The following LRBA variants were observed in gnomAD, a reference collection of about 807,000 sequenced individuals.
LRBA encodes the protein lipopolysaccharide-responsive and beige-like anchor protein.
Under a neutral mutation model 330.0 loss-of-function variants are expected in LRBA, and 176 were observed. The observed-to-expected ratio is 0.53, with a 90% CI of 0.47 to 0.60. LRBA has a LOEUF of 0.60. Among genes scored for constraint, LRBA ranks in the 20% least tolerant of loss-of-function variants. The pLI, the probability that LRBA is intolerant of heterozygous loss-of-function variation, is 0.00. For missense variants in LRBA, 3,259 were observed against 3,444.8 expected, an observed-to-expected ratio of 0.95 and a Z score of 1.35; for synonymous variants, 1,230 against 1,193.0, an observed-to-expected ratio of 1.03 and a Z score of -0.64.
At chr4:150,746,507 C>CTTTTT (rs923454215) in intron 35 of LRBA, among the ~76,000 whole-genome samples, 4 of 136,490 alleles carry the variant, frequency 2.9e-5, no homozygotes, top group African/African-American at 5.5e-5. Flanking sequence ...GTTTCTCTTA[C>CTTTTT]TTTTTTTTTT....
intron 39 of LRBA, among the ~76,000 whole-genome samples, chr4:150,589,405 T>C (rs561638072): frequency 2.0e-5 from 3 of 152,244 alleles, no homozygotes; most frequent in African/African-American, 7.2e-5. Flanking sequence ...TACAAATACA[T>C]TGTGTTTGCA....
intron 49 of LRBA, among the ~76,000 whole-genome samples, chr4:150,324,958 A>T (rs1221561046): frequency 1.3e-5 from 2 of 152,034 alleles, no homozygotes; most frequent in African/African-American, 4.8e-5. Flanking sequence ...AGGAACTATA[A>T]AGGTAAAATG....
chr4:150,465,469 C>T (rs1755326941), intron 44 of LRBA, among the ~76,000 whole-genome samples: 3 of 152,064 alleles, frequency 2.0e-5, no homozygotes, highest in African/African-American at 7.2e-5. Flanking sequence ...ATCATACTTT[C>T]GCACCAGCAT....
chr4:150,807,040 A>G (rs1008299236), intron 32 of LRBA, among the ~76,000 whole-genome samples: 4 of 150,490 alleles, frequency 2.7e-5, no homozygotes, highest in Non-Finnish European at 5.9e-5. Flanking sequence ...AAATATATTA[A>G]TATATATTTG....
chr4:150,334,811 G>A (rs1734432584), intron 48 of LRBA, among the ~76,000 whole-genome samples: 1 of 143,966 alleles, frequency 6.9e-6, no homozygotes, highest in Non-Finnish European at 1.5e-5. Flanking sequence ...TCATTATTAA[G>A]TTTTTTTTGT....
intron 36 of LRBA, among the ~76,000 whole-genome samples, chr4:150,717,701 A>AATAATAATAATAATAATAATAATAATC (rs890794296): frequency 2.3e-4 from 34 of 148,054 alleles, no homozygotes; most frequent in African/African-American, 5.9e-4. Context: ...TAATAATAAT[A>AATAATAATAATAATAATAATAATAATC]ATCAGTGCTT....
chr4:150,609,896 A>C (rs1347529702), intron 37 of LRBA, among the ~76,000 whole-genome samples: 1 of 152,168 alleles, frequency 6.6e-6, no homozygotes, highest in East Asian at 1.9e-4. Flanking sequence ...AAGACAGAAG[A>C]GGTATGATCC....
At chr4:150,613,341 T>C (rs951711936) in intron 37 of LRBA, among the ~76,000 whole-genome samples, 1 of 152,178 alleles carries the variant, frequency 6.6e-6, no homozygotes, top group African/African-American at 2.4e-5. Flanking sequence ...TCCAAAGTAA[T>C]AGAAGCCTTC....
chr4:150,559,938 A>C (rs1262589354), intron 40 of LRBA, among the ~76,000 whole-genome samples: 7 of 106,618 alleles, frequency 6.6e-5, no homozygotes, highest in African/African-American at 2.6e-4. Flanking sequence ...ATATATATAT[A>C]TCTATATAAA....
chr4:150,519,602 T>C (rs977514527), intron 40 of LRBA, among the ~76,000 whole-genome samples: 1 of 152,212 alleles, frequency 6.6e-6, no homozygotes, highest in Non-Finnish European at 1.5e-5. Context: ...GATTGGTGTA[T>C]CTACCCTTCA....
intron 47 of LRBA, among the ~76,000 whole-genome samples, chr4:150,364,798 A>T (rs779647454): frequency 6.6e-6 from 1 of 152,114 alleles, no homozygotes. Flanking sequence ...GGTATAGATT[A>T]TACCTGTATT....
intron 40 of LRBA, among the ~76,000 whole-genome samples, chr4:150,533,213 C>T (rs2152205307): frequency 6.6e-6 from 1 of 152,218 alleles, no homozygotes; most frequent in East Asian, 1.9e-4. Flanking sequence ...GAGACAGGGT[C>T]TCAGTCACCC....
intron 31 of LRBA, among the ~76,000 whole-genome samples, chr4:150,810,543 G>A (rs1323776273): frequency 4.6e-5 from 7 of 152,110 alleles, no homozygotes; most frequent in African/African-American, 7.2e-5. Context: ...TGGTCAGGAC[G>A]CATAGGATTC....
At chr4:150,662,220 T>C (rs1781183960) in intron 37 of LRBA, among the ~76,000 whole-genome samples, 1 of 152,230 alleles carries the variant, frequency 6.6e-6, no homozygotes, top group Non-Finnish European at 1.5e-5. Flanking sequence ...TCATGATTAT[T>C]ATAATATGAA....
chr4:150,968,309 C>A (rs1739139142), intron 2 of LRBA, among the ~76,000 whole-genome samples: 1 of 152,186 alleles, frequency 6.6e-6, no homozygotes, highest in Non-Finnish European at 1.5e-5. Context: ...GGCCGCACAT[C>A]TCTCATTTTA....
chr4:150,373,138 T>C (rs1740669500), intron 47 of LRBA, among the ~76,000 whole-genome samples: 2 of 140,646 alleles, frequency 1.4e-5, no homozygotes, highest in South Asian at 2.3e-4. Context: ...TGTGTGTGTG[T>C]GTGTGTGTGT....
chr4:150,844,114 C>G lies in LRBA; in HGVS notation c.4555G>C (p.Val1519Leu), dbSNP rs2043332296. 5 of 1,606,220 alleles carry G rather than the reference C, an allele frequency of 3.1e-6. No individual in the cohort carries two copies. Among genetic ancestry groups the G allele is most frequent in the Non-Finnish European group, 4.3e-6 (5 of 1,173,972 alleles). The stretch of plus-strand genomic sequence containing the variant: ...TTGTAACTTACTATGTCTCTGAAAA[C>G]AACTGCCCTAAGCCGATTAATATCC... Reference protein sequence around the residue: ...DMDINRLRAVVFRDIEDSKQA... With the variant: ...DMDINRLRAVLFRDIEDSKQA... Residue 1519 changes from valine (V) to leucine (L), a missense_variant, in exon 28 of 57, where the codon GTT becomes CTT. By Grantham distance (32) the Val-to-Leu change is conservative. Coordinates refer to ENST00000651943, the MANE Select transcript of LRBA (RefSeq NM_001364905.1).
chr4:150,540,430 T>C (rs1159387390), intron 40 of LRBA, among the ~76,000 whole-genome samples: 1 of 152,090 alleles, frequency 6.6e-6, no homozygotes, highest in Non-Finnish European at 1.5e-5. Context: ...CCTGACCTCA[T>C]GTGATCCGCC....
intron 40 of LRBA, among the ~76,000 whole-genome samples, chr4:150,513,848 T>C (rs927921887): frequency 6.6e-6 from 1 of 152,144 alleles, no homozygotes; most frequent in Non-Finnish European, 1.5e-5. Context: ...CTTCAACATA[T>C]AAATTTTGGG....
Sources: gnomAD v4.1 joint callset for allele counts (sites outside exome capture counted in the v4.1 genomes callset) on GRCh38, gnomAD v4.1.1 for gene constraint, MANE v1.5 for transcripts, NCBI Gene and HGNC (gene_info 2026-07-23, HGNC 2026-07-21) for gene names.